The following TENM3 variants were observed in gnomAD, a reference collection of about 807,000 sequenced individuals.
TENM3 encodes teneurin-3.
TENM3 carries 63 observed loss-of-function variants against 255.1 expected under a neutral mutation model. The ratio of observed to expected loss-of-function variants is 0.25; its 90% confidence interval spans 0.20 to 0.30. TENM3 has a LOEUF of 0.30. TENM3 is among the 10% of genes least tolerant of loss of function. The probability of loss-of-function intolerance (pLI) is 1.00; values close to 1 mark genes in which losing one functional copy is unlikely to be tolerated. For missense variants in TENM3, 2,929 were observed against 3,461.1 expected, an observed-to-expected ratio of 0.85 and a Z score of 3.86; for synonymous variants, 1,306 against 1,322.3, an observed-to-expected ratio of 0.99 and a Z score of 0.27.
At chr4:182,533,670 C>T (rs1739996754) in intron 3 of TENM3, among the ~76,000 whole-genome samples, 1 of 151,950 alleles carries the variant, frequency 6.6e-6, no homozygotes, top group Non-Finnish European at 1.5e-5. Context: ...TTGTCTTTCA[C>T]TTTGGGAGGC....
At chr4:181,621,137 G>T in the TENM3 span, among the ~76,000 whole-genome samples, 11 of 152,168 alleles carry the variant, frequency 7.2e-5, no homozygotes, top group Admixed American at 7.2e-4. Context: ...TGCTGATATA[G>T]TTAAGAAATT....
the TENM3 span, among the ~76,000 whole-genome samples, chr4:181,965,590 C>T: frequency 6.6e-6 from 1 of 152,176 alleles, no homozygotes; most frequent in African/African-American, 2.4e-5. Context: ...AACCTTACCC[C>T]CAATAAGTAC....
At chr4:182,698,972 T>C (rs190752255) in intron 12 of TENM3, among the ~76,000 whole-genome samples, 1 of 152,356 alleles carries the variant, frequency 6.6e-6, no homozygotes, top group Non-Finnish European at 1.5e-5. Flanking sequence ...GGATTTAACA[T>C]ACGTTTTTCC....
the TENM3 span, among the ~76,000 whole-genome samples, chr4:181,992,668 T>G: frequency 6.6e-6 from 1 of 152,198 alleles, no homozygotes; most frequent in Non-Finnish European, 1.5e-5. Flanking sequence ...TTCTCAGGTA[T>G]ATTTTGATCC....
chr4:182,036,434 G>A, the TENM3 span, among the ~76,000 whole-genome samples: 6 of 152,030 alleles, frequency 3.9e-5, no homozygotes, highest in South Asian at 1.0e-3. Context: ...CAGGTGATCC[G>A]CCCACCTTGG....
chr4:182,070,576 C>T, the TENM3 span, among the ~76,000 whole-genome samples: 6 of 152,190 alleles, frequency 3.9e-5, no homozygotes, highest in South Asian at 8.3e-4. Flanking sequence ...GAAATTGCGC[C>T]GCTGCACTGT....
chr4:181,839,246 T>G, the TENM3 span, among the ~76,000 whole-genome samples: 1 of 148,518 alleles, frequency 6.7e-6, no homozygotes, highest in Admixed American at 6.7e-5. Context: ...AGAAGAATAA[T>G]ATAAAGAACT....
the TENM3 span, among the ~76,000 whole-genome samples, chr4:181,636,457 A>G: frequency 0.088 from 13,434 of 152,126 alleles, 789 homozygotes; most frequent in East Asian, 0.18. Flanking sequence ...CATCCACAAA[A>G]TACCTTCATA....
intron 1 of TENM3, among the ~76,000 whole-genome samples, chr4:182,188,803 A>C (rs1454531267): frequency 6.6e-6 from 1 of 152,148 alleles, no homozygotes; most frequent in African/African-American, 2.4e-5. Flanking sequence ...TCTCCAAAGC[A>C]TCTGGCCCTG....
At chr4:182,682,856 G>A (rs956495428) in intron 11 of TENM3, among the ~76,000 whole-genome samples, 2 of 151,834 alleles carry the variant, frequency 1.3e-5, no homozygotes, top group Admixed American at 1.3e-4. Context: ...AGTTTATTTA[G>A]GGAGATAAGA....
the TENM3 span, among the ~76,000 whole-genome samples, chr4:181,950,410 G>T: frequency 0.11 from 17,210 of 152,116 alleles, 1,026 homozygotes; most frequent in Non-Finnish European, 0.14. Context: ...TCACAGGGAC[G>T]CGCATGAAAC....
the TENM3 span, among the ~76,000 whole-genome samples, chr4:181,788,387 T>C: frequency 8.5e-5 from 13 of 152,340 alleles, no homozygotes; most frequent in African/African-American, 3.1e-4. Context: ...TAGCTCTTGC[T>C]AGATGCCAAG....
At chr4:181,919,627 G>A in the TENM3 span, among the ~76,000 whole-genome samples, 16 of 151,864 alleles carry the variant, frequency 1.1e-4, no homozygotes, top group Admixed American at 2.0e-4. Flanking sequence ...TGTTTCCTTC[G>A]GGTGCCCTTC....
the TENM3 span, among the ~76,000 whole-genome samples, chr4:181,715,540 A>C: frequency 4.6e-5 from 7 of 152,240 alleles, no homozygotes; most frequent in African/African-American, 1.7e-4. Flanking sequence ...TGTTTCTTTA[A>C]TAATTCAAGA....
chr4:181,850,978 G>A, the TENM3 span, among the ~76,000 whole-genome samples: 6 of 151,600 alleles, frequency 4.0e-5, no homozygotes, highest in East Asian at 1.9e-4. Context: ...AGCTGCTGCC[G>A]GAGGGGACAG....
At chr4:181,740,819 G>A in the TENM3 span, among the ~76,000 whole-genome samples, 7 of 152,148 alleles carry the variant, frequency 4.6e-5, no homozygotes, top group African/African-American at 1.7e-4. Flanking sequence ...ACATTCGGGA[G>A]AACATGTTGC....
At chr4:182,322,145 T>C (rs1763094064) in intron 1 of TENM3, among the ~76,000 whole-genome samples, 1 of 152,072 alleles carries the variant, frequency 6.6e-6, no homozygotes, top group Non-Finnish European at 1.5e-5. Flanking sequence ...TTGGAAGAAT[T>C]TGTAAATGTA....
chr4:182,218,490 A>G (rs1755645563), intron 1 of TENM3, among the ~76,000 whole-genome samples: 1 of 152,216 alleles, frequency 6.6e-6, no homozygotes, highest in Non-Finnish European at 1.5e-5. Context: ...GAGTAGGGTC[A>G]TCTTAGCCCC....
intron 3 of TENM3, among the ~76,000 whole-genome samples, chr4:182,583,853 A>C (rs1456004713): frequency 6.6e-6 from 1 of 152,210 alleles, no homozygotes; most frequent in Admixed American, 6.5e-5. Flanking sequence ...GATAATGTAC[A>C]TGCTTGCTAA....
Sources: gnomAD v4.1 joint callset for allele counts (sites outside exome capture counted in the v4.1 genomes callset) on GRCh38, gnomAD v4.1.1 for gene constraint, MANE v1.5 for transcripts, NCBI Gene and HGNC (gene_info 2026-07-23, HGNC 2026-07-21) for gene names.